DNAH3: variants seen among roughly 807,000 people sequenced by gnomAD.
DNAH3 encodes the protein axonemal beta dynein heavy chain 3.
In DNAH3, 332 loss-of-function variants were observed where a neutral mutation model predicts 432.5. The ratio of observed to expected loss-of-function variants is 0.77; its 90% CI spans 0.70 to 0.84. The LOEUF (loss-of-function observed/expected upper bound fraction) is 0.84. DNAH3 is among the 40% of genes least tolerant of loss of function. DNAH3 has a pLI of 0.00. For missense variants in DNAH3, 4,861 were observed against 5,114.0 expected (o/e 0.95, Z 1.51); for synonymous variants, 1,956 against 1,900.2 (o/e 1.03, Z -0.76).
chr16:20,980,269 A>T (rs2085820000), intron 49 of DNAH3, among the ~76,000 whole-genome samples: 1 of 140,322 alleles, frequency 7.1e-6, no homozygotes, highest in Non-Finnish European at 1.5e-5. Context: ...ATTATATTAT[A>T]ATATACATCA....
intron 19 of DNAH3, among the ~76,000 whole-genome samples, chr16:21,085,102 G>C (rs2091320021): frequency 1.3e-5 from 2 of 152,146 alleles, no homozygotes; most frequent in African/African-American, 4.8e-5. Context: ...GTCATGGCCA[G>C]GCACTGTGGC....
intron 1 of DNAH3, among the ~76,000 whole-genome samples, chr16:21,148,692 A>G (rs1157491267): frequency 3.3e-5 from 5 of 152,150 alleles, no homozygotes; most frequent in African/African-American, 1.2e-4. Flanking sequence ...AAACTAGGCT[A>G]TGTCATAGGC....
intron 29 of DNAH3, 60 bp downstream of exon 29, chr16:21,051,608 CAG>C (rs1449905805): frequency 3.2e-5 from 49 of 1,550,758 alleles, no homozygotes; most frequent in East Asian, 2.0e-4. Flanking sequence ...CTTTCCTCCC[CAG>C]AGTCTTCTTC....
At chr16:20,941,568 T>G (rs1163657455) in intron 58 of DNAH3, 25 bp from the exon 59 acceptor site, 4 of 1,612,524 alleles carry the variant, frequency 2.5e-6, no homozygotes, top group Non-Finnish European at 2.5e-6. Flanking sequence ...AGAAGAGAGG[T>G]GAGTGAGAAG....
exon 48 of DNAH3, chr16:20,985,705 T>A (rs763531246): frequency 1.9e-6 from 3 of 1,613,158 alleles, no homozygotes; most frequent in Non-Finnish European, 2.5e-6. Flanking sequence ...GGGTGACAAG[T>A]GGATAAGCAC....
At position 20,987,683 on chromosome 16, in the gene DNAH3, A is replaced by G. The variant is rs1163946068; in HGVS notation, c.6882+10T>C. On this transcript the variant is annotated intron_variant, in intron 46 of 61. Transcript: ENST00000261383. The stretch of plus-strand genomic sequence containing the variant: ...TGAATGATCTTGGTAGTAAAATGAT[A>G]GTGGCTGACCTGCAGGTGTGTGTGA... 1 of 1,611,560 alleles carries G rather than the reference A, an allele frequency of 6.2e-7. No individual in the cohort carries two copies.
intron 53 of DNAH3, 73 bp from the exon 54 acceptor site, chr16:20,959,477 A>G: frequency 6.9e-7 from 1 of 1,451,952 alleles, no homozygotes; most frequent in South Asian, 1.2e-5. Flanking sequence ...CTATATCAAC[A>G]ATAACAACAT....
chr16:21,152,507 G>A (rs894352132), intron 1 of DNAH3, among the ~76,000 whole-genome samples: 2 of 152,260 alleles, frequency 1.3e-5, no homozygotes, highest in Non-Finnish European at 2.9e-5. Context: ...CACTTGAGGA[G>A]CCCTTCAGCC....
At chr16:21,049,799 G>T in intron 30 of DNAH3, 111 bp downstream of exon 30, 1 of 1,309,448 alleles carries the variant, frequency 7.6e-7, no homozygotes, top group Non-Finnish European at 1.1e-6. Context: ...AGGAGCTGGG[G>T]CCCATGCTGC....
chr16:20,964,784 G>C lies in DNAH3; in HGVS notation c.9100C>G (p.Pro3034Ala), dbSNP rs764508821. The change falls in exon 53 of 62, where the codon CCT becomes GCT. Residue 3034 changes from proline (P) to alanine (A), a missense_variant. Pro to Ala is a conservative substitution (Grantham distance 27). Transcript: ENST00000261383. ...CTGAGACTGAAGTCACTGAAGCCAGGGATGACCTTGTCCTTACATTCAGCC... is the reference window on the plus strand; with the variant it reads ...CTGAGACTGAAGTCACTGAAGCCAGCGATGACCTTGTCCTTACATTCAGCC... 9.3e-6 allele frequency: 15 copies of C among 1,613,986 alleles called. No homozygotes were observed. Among genetic ancestry groups the C allele is most frequent in the African/African-American group, 1.3e-5 (1 of 74,898 alleles).
At chr16:21,075,601 C>T in intron 20 of DNAH3, 40 bp from the exon 21 acceptor site, 1 of 1,476,660 alleles carries the variant, frequency 6.8e-7, no homozygotes, top group Non-Finnish European at 9.5e-7. Context: ...CAACAGGAGG[C>T]AGAGAAGACA....
chr16:21,112,055 T>C, exon 13 of DNAH3: 1 of 1,613,786 alleles, frequency 6.2e-7, no homozygotes, highest in South Asian at 1.1e-5. Flanking sequence ...TGCTCTGCCG[T>C]GTTATCCAAT....
intron 15 of DNAH3, 71 bp downstream of exon 15, chr16:21,106,419 T>A (rs931989893): frequency 2.6e-5 from 31 of 1,186,630 alleles, no homozygotes; most frequent in Non-Finnish European, 3.0e-5. Context: ...CTATTTGAAA[T>A]GTTATATATA....
At chr16:21,109,432 C>T (rs927482367) in intron 14 of DNAH3, among the ~76,000 whole-genome samples, 1 of 152,058 alleles carries the variant, frequency 6.6e-6, no homozygotes, top group East Asian at 1.9e-4. Context: ...CTAGATTATA[C>T]CATGTGCTGG....
chr16:20,986,627 T>C lies in DNAH3; in HGVS notation c.7026+678A>G, dbSNP rs113048197. On this transcript the variant is annotated intron_variant, in intron 47 of 61. Coordinates refer to ENST00000261383, the Ensembl canonical transcript of DNAH3. ...TTTGTACGGTCCCCAGAAAAGACAG[T>C]TGAAGGATGTGCTTTTCTTAGGTGC... 2.2e-4 allele frequency among the ~76,000 whole-genome samples: 33 copies of C among 152,300 alleles called. 1 individual carries two copies. Among genetic ancestry groups the C allele is most frequent in the African/African-American group, 4.8e-4 (20 of 41,572 alleles).
At chr16:21,062,378 C>T (rs1014454517) in intron 25 of DNAH3, 104 bp downstream of exon 25, 1 of 894,228 alleles carries the variant, frequency 1.1e-6, no homozygotes. Flanking sequence ...CCCAAGTGTT[C>T]CATACCCCAG....
chr16:21,100,910 T>A (rs943936368), intron 16 of DNAH3, among the ~76,000 whole-genome samples: 1 of 152,228 alleles, frequency 6.6e-6, no homozygotes, highest in Non-Finnish European at 1.5e-5. Flanking sequence ...GCTCAGTGAT[T>A]ACCTTAAAAT....
chr16:21,117,312 T>C (rs776057602), exon 12 of DNAH3: 1 of 1,606,992 alleles, frequency 6.2e-7, no homozygotes, highest in Non-Finnish European at 8.5e-7. Flanking sequence ...TTATATCCTT[T>C]CAGCTCTGGG....
intron 55 of DNAH3, among the ~76,000 whole-genome samples, chr16:20,953,563 A>G (rs767493617): frequency 6.6e-6 from 1 of 151,780 alleles, no homozygotes; most frequent in African/African-American, 2.4e-5. Context: ...GTTAGTTGCA[A>G]GCCAAACATT....
Sources: allele counts gnomAD v4.1 joint callset (sites outside exome capture counted in the v4.1 genomes callset), GRCh38; gene constraint gnomAD v4.1.1; transcripts MANE v1.5; gene names NCBI Gene and HGNC (gene_info 2026-07-23, HGNC 2026-07-21).